Variants in NAALADL2 observed in about 807,000 individuals in gnomAD.
The protein encoded by NAALADL2 is N-acetylated alpha-linked acidic dipeptidase like 2.
Under a neutral mutation model 87.2 loss-of-function variants are expected in NAALADL2, and 76 were observed. The observed-to-expected ratio is 0.87, with a 90% confidence interval of 0.72 to 1.05. The LOEUF is 1.05. Among genes scored for constraint, NAALADL2 ranks in the 50% least tolerant of loss-of-function variants. The pLI is 0.00. For synonymous variants in NAALADL2, 354 were observed against 331.0 expected (o/e 1.07, Z -0.75); for missense variants, 1,089 against 945.8 (o/e 1.15, Z -1.99).
At position 175,110,526 on chromosome 3, in the gene NAALADL2, AG is replaced by A. The variant is rs567586547; in HGVS notation, c.545+13238del. Among the ~76,000 whole-genome samples the A allele has an allele frequency of 1.2e-4, 18 of 151,882 alleles. No homozygotes were observed. The South Asian group carries it at 3.3e-3, about 28-fold the overall frequency. Reference sequence around the variant, plus strand: ...CCCTTTTGACAACTTATGGCCAAAGAGGGAAGAAGTTGGGCCAGAGGATTTG... The same window carrying A: ...CCCTTTTGACAACTTATGGCCAAAGAGGAAGAAGTTGGGCCAGAGGATTTG... On this transcript the variant is annotated intron_variant, in intron 2 of 13. Coordinates refer to ENST00000454872, the MANE Select transcript of NAALADL2 (RefSeq NM_207015.3).
chr3:175,011,739 A>G (rs1749853419), intron 1 of NAALADL2, among the ~76,000 whole-genome samples: 1 of 152,172 alleles, frequency 6.6e-6, no homozygotes, highest in African/African-American at 2.4e-5. Context: ...AAGGCGTGCT[A>G]TGTGCCAAGA....
intron 7 of NAALADL2, among the ~76,000 whole-genome samples, chr3:175,464,548 G>A (rs1041172521): frequency 6.6e-6 from 1 of 152,098 alleles, no homozygotes; most frequent in South Asian, 2.1e-4. Context: ...CTGTTATACA[G>A]TGTAGCATGT....
chr3:174,895,826 C>T (rs149085056), intron 1 of NAALADL2, among the ~76,000 whole-genome samples: 157 of 152,104 alleles, frequency 1.0e-3, no homozygotes, highest in African/African-American at 3.7e-3. Flanking sequence ...TTCAGCAACA[C>T]ATTAGAAAGA....
At position 174,585,160 on chromosome 3, in the gene NAALADL2, A is replaced by G. The variant is rs1047831669; in HGVS notation, c.-115+34523A>G. 2.0e-5 allele frequency among the ~76,000 whole-genome samples: 3 copies of G among 152,270 alleles called. No homozygotes were observed. The South Asian group carries it at 6.2e-4, about 32-fold the overall frequency. On this transcript the variant is annotated intron_variant, in intron 2 of 3. Transcript: ENST00000434257. ...ATATTACAAGTAAGGTCAGAGCTGT[A>G]CTGTAATAGACATACTGCAGAAACT...
intron 1 of NAALADL2, among the ~76,000 whole-genome samples, chr3:174,530,128 CA>C (rs906084399): frequency 6.6e-6 from 1 of 152,182 alleles, no homozygotes; most frequent in African/African-American, 2.4e-5. Flanking sequence ...TAACAACACA[CA>C]AGTCACCTCT....
At chr3:174,515,733 A>G (rs1196641797) in intron 1 of NAALADL2, among the ~76,000 whole-genome samples, 2 of 151,730 alleles carry the variant, frequency 1.3e-5, no homozygotes, top group African/African-American at 4.8e-5. Context: ...TTGAGATAAT[A>G]TATAATTGGA....
chr3:174,688,610 G>A (rs990759522), intron 2 of NAALADL2, among the ~76,000 whole-genome samples: 3 of 151,964 alleles, frequency 2.0e-5, no homozygotes, highest in African/African-American at 4.8e-5. Context: ...CTGAGAAATT[G>A]CAATAAATAT....
intron 10 of NAALADL2, among the ~76,000 whole-genome samples, chr3:175,615,386 T>A (rs149804846): frequency 1.1e-3 from 160 of 152,252 alleles, no homozygotes; most frequent in African/African-American, 3.9e-3. Context: ...GAATAAATAG[T>A]TCTAGACATT....
intron 3 of NAALADL2, among the ~76,000 whole-genome samples, chr3:174,820,541 A>T (rs1259457939): frequency 1.3e-5 from 2 of 152,180 alleles, no homozygotes; most frequent in African/African-American, 2.4e-5. Flanking sequence ...AGGGAGTTTT[A>T]CTAATTTGTT....
At chr3:175,320,419 C>A (rs1032797450) in intron 4 of NAALADL2, among the ~76,000 whole-genome samples, 2 of 152,104 alleles carry the variant, frequency 1.3e-5, no homozygotes, top group African/African-American at 4.8e-5. Context: ...AAGGGTTGAT[C>A]TTTCAGAAGG....
intron 1 of NAALADL2, among the ~76,000 whole-genome samples, chr3:174,945,972 G>C (rs1177417472): frequency 6.8e-6 from 1 of 146,924 alleles, no homozygotes; most frequent in Non-Finnish European, 1.5e-5. Flanking sequence ...CTTGAACCCA[G>C]GAGGTGGAGG....
At chr3:174,638,734 T>C (rs1218938855) in intron 2 of NAALADL2, among the ~76,000 whole-genome samples, 1 of 152,202 alleles carries the variant, frequency 6.6e-6, no homozygotes, top group Admixed American at 6.5e-5. Flanking sequence ...TTCAGAAAAA[T>C]TGGTGAAGGA....
At chr3:175,503,554 G>A (rs1406189581) in intron 9 of NAALADL2, among the ~76,000 whole-genome samples, 5 of 152,140 alleles carry the variant, frequency 3.3e-5, no homozygotes, top group Non-Finnish European at 7.4e-5. Context: ...CTAGCAATGT[G>A]TAAGTGTTCC....
intron 2 of NAALADL2, among the ~76,000 whole-genome samples, chr3:175,167,989 A>C (rs1182408314): frequency 6.6e-6 from 1 of 152,004 alleles, no homozygotes; most frequent in African/African-American, 2.4e-5. Context: ...GCATGGGCTT[A>C]TAATGAAAAC....
intron 9 of NAALADL2, among the ~76,000 whole-genome samples, chr3:175,480,504 A>G (rs979296433): frequency 6.6e-6 from 1 of 151,876 alleles, no homozygotes; most frequent in Non-Finnish European, 1.5e-5. Flanking sequence ...CTGTTTTAGA[A>G]TCATAGCATC....
At chr3:175,246,980 A>C (rs938327158) in intron 3 of NAALADL2, among the ~76,000 whole-genome samples, 7 of 152,126 alleles carry the variant, frequency 4.6e-5, no homozygotes, top group Non-Finnish European at 8.8e-5. Context: ...GTGGAGTATG[A>C]ACTTTGGGGT....
chr3:174,681,623 C>A (rs1181882051), intron 2 of NAALADL2, among the ~76,000 whole-genome samples: 1 of 152,126 alleles, frequency 6.6e-6, no homozygotes, highest in East Asian at 1.9e-4. Flanking sequence ...GGGAAGAACC[C>A]AGTTCTGGCA....
chr3:175,388,172 G>A (rs926020347), intron 5 of NAALADL2, among the ~76,000 whole-genome samples: 1 of 152,084 alleles, frequency 6.6e-6, no homozygotes, highest in Non-Finnish European at 1.5e-5. Context: ...GTATGATGAA[G>A]ACATTGAGAA....
chr3:175,078,302 C>T (rs981550447), intron 1 of NAALADL2, among the ~76,000 whole-genome samples: 2 of 152,154 alleles, frequency 1.3e-5, no homozygotes, highest in Admixed American at 6.5e-5. Flanking sequence ...GCTGGGATTA[C>T]AGGCTTGAGC....
Sources: allele counts gnomAD v4.1 joint callset (sites outside exome capture counted in the v4.1 genomes callset), GRCh38; gene constraint gnomAD v4.1.1; transcripts MANE v1.5; gene names NCBI Gene and HGNC (gene_info 2026-07-23, HGNC 2026-07-21).